REEP1: variants seen among roughly 807,000 people sequenced by gnomAD.
REEP1 encodes receptor expression-enhancing protein 1.
REEP1 carries 22 observed loss-of-function variants against 40.3 expected under a neutral mutation model. That is an observed-to-expected ratio of 0.55 (90% CI 0.39 to 0.78). The LOEUF (loss-of-function observed/expected upper bound fraction) is 0.78. Ranked by LOEUF, REEP1 falls within the 30% of genes least tolerant of loss-of-function variation. The pLI, the probability that REEP1 is intolerant of heterozygous loss-of-function variation, is 0.00. For synonymous variants in REEP1, 116 were observed against 139.2 expected (o/e 0.83, Z 1.17); for missense variants, 280 against 361.1 (o/e 0.78, Z 1.82).
At chr2:86,250,691 T>C (rs1676225966) in intron 5 of REEP1, among the ~76,000 whole-genome samples, 2 of 149,168 alleles carry the variant, frequency 1.3e-5, no homozygotes, top group South Asian at 4.5e-4. Context: ...TAGATGGAGC[T>C]GGTCTTGTCT....
intron 5 of REEP1, among the ~76,000 whole-genome samples, chr2:86,243,352 C>G (rs1027086597): frequency 3.3e-5 from 5 of 152,156 alleles, no homozygotes; most frequent in Admixed American, 6.5e-5. Flanking sequence ...TCCACCAGGC[C>G]CTGTGAGGTC....
chr2:86,326,247 C>T (rs1680493667), intron 1 of REEP1, among the ~76,000 whole-genome samples: 2 of 152,136 alleles, frequency 1.3e-5, no homozygotes, highest in African/African-American at 2.4e-5. Context: ...TGGTGGCTGG[C>T]ATGCATCAAA....
chr2:86,245,705 G>A (rs976253307), intron 5 of REEP1, among the ~76,000 whole-genome samples: 3 of 151,136 alleles, frequency 2.0e-5, no homozygotes, highest in African/African-American at 7.3e-5. Context: ...TTCCTTTGTC[G>A]CCACCGGACT....
chr2:86,222,956 G>T (rs1460697284), intron 7 of REEP1, among the ~76,000 whole-genome samples: 1 of 152,156 alleles, frequency 6.6e-6, no homozygotes, highest in Non-Finnish European at 1.5e-5. Context: ...CCTTACCCCT[G>T]GCAACAGGCC....
chr2:86,311,190 A>T (rs1679746223), intron 1 of REEP1, among the ~76,000 whole-genome samples: 2 of 140,474 alleles, frequency 1.4e-5, no homozygotes, highest in Non-Finnish European at 2.9e-5. Context: ...TGGAATTATT[A>T]AAATAATTGT....
intron 1 of REEP1, among the ~76,000 whole-genome samples, chr2:86,284,241 C>G (rs148702757): frequency 3.3e-5 from 5 of 152,072 alleles, no homozygotes; most frequent in Admixed American, 6.5e-5. Flanking sequence ...GGTCACCCCC[C>G]CTGACGATTG....
chr2:86,273,772 T>C (rs1407437875), intron 2 of REEP1, among the ~76,000 whole-genome samples: 5 of 152,228 alleles, frequency 3.3e-5, no homozygotes, highest in Non-Finnish European at 7.3e-5. Context: ...AAATACCCTC[T>C]CCTTGTCTTT....
intron 5 of REEP1, among the ~76,000 whole-genome samples, chr2:86,243,211 GGA>G (rs1356012754): frequency 3.9e-5 from 6 of 152,158 alleles, no homozygotes; most frequent in Non-Finnish European, 8.8e-5. Flanking sequence ...CGTGAGGAAA[GGA>G]GGGAGGAGGC....
intron 1 of REEP1, among the ~76,000 whole-genome samples, chr2:86,285,611 C>G (rs902454730): frequency 3.9e-5 from 6 of 152,204 alleles, no homozygotes; most frequent in African/African-American, 1.4e-4. Context: ...GAGCTGGGAT[C>G]TGAACCCAGG....
intron 1 of REEP1, among the ~76,000 whole-genome samples, chr2:86,304,439 AG>A (rs1679394754): frequency 6.6e-6 from 1 of 152,098 alleles, no homozygotes; most frequent in Non-Finnish European, 1.5e-5. Context: ...TCAGGGTGGG[AG>A]GGGGACTTTA....
At chr2:86,319,219 A>G (rs1680168041) in intron 1 of REEP1, among the ~76,000 whole-genome samples, 1 of 152,198 alleles carries the variant, frequency 6.6e-6, no homozygotes, top group Admixed American at 6.5e-5. Context: ...CTCATTCAGT[A>G]GGTCTGGAGG....
chr2:86,226,096 C>CCACCATCAT (rs1276943671), intron 7 of REEP1, among the ~76,000 whole-genome samples: 3 of 144,772 alleles, frequency 2.1e-5, no homozygotes, highest in East Asian at 2.0e-4. Context: ...ACCACCACCA[C>CCACCATCAT]CACCACCACC....
At chr2:86,253,718 T>C (rs1011530736) in intron 4 of REEP1, among the ~76,000 whole-genome samples, 1 of 152,202 alleles carries the variant, frequency 6.6e-6, no homozygotes, top group African/African-American at 2.4e-5. Context: ...AAAGAGATTT[T>C]CCGAAACTTG....
chr2:86,268,381 C>T (rs536266001), intron 2 of REEP1, among the ~76,000 whole-genome samples: 1 of 152,252 alleles, frequency 6.6e-6, no homozygotes, highest in African/African-American at 2.4e-5. Flanking sequence ...ACAAATGCTA[C>T]TTATGTTAGT....
At chr2:86,311,935 C>T (rs747628877) in intron 1 of REEP1, among the ~76,000 whole-genome samples, 1 of 152,102 alleles carries the variant, frequency 6.6e-6, no homozygotes, top group Non-Finnish European at 1.5e-5. Context: ...TGGGACAAGA[C>T]GGAACTAGAT....
At chr2:86,291,269 C>T (rs75262182) in intron 1 of REEP1, among the ~76,000 whole-genome samples, 2,442 of 152,258 alleles carry the variant, frequency 0.016, 52 homozygotes, top group African/African-American at 0.053. Context: ...CTGCCTGCTT[C>T]GTTGCCTAAT....
At chr2:86,255,544 G>A (rs558906930) in intron 3 of REEP1, among the ~76,000 whole-genome samples, 82 of 152,282 alleles carry the variant, frequency 5.4e-4, no homozygotes, top group African/African-American at 2.0e-3. Context: ...CCCAGTCCCT[G>A]TACGTGCCAG....
chr2:86,280,213 C>A (rs1468099124), intron 2 of REEP1, among the ~76,000 whole-genome samples: 1 of 152,236 alleles, frequency 6.6e-6, no homozygotes, highest in Non-Finnish European at 1.5e-5. Context: ...CCTGATACTA[C>A]TCGGCTTGTT....
intron 6 of REEP1, among the ~76,000 whole-genome samples, chr2:86,229,792 A>G (rs992298094): frequency 8.6e-5 from 13 of 151,826 alleles, no homozygotes; most frequent in Admixed American, 3.9e-4. Context: ...TTGTGTTTTT[A>G]GTAGAGACGG....
Sources: allele counts gnomAD v4.1 joint callset (sites outside exome capture counted in the v4.1 genomes callset), GRCh38; gene constraint gnomAD v4.1.1; transcripts MANE v1.5; gene names NCBI Gene and HGNC (gene_info 2026-07-23, HGNC 2026-07-21).